Variants in CNOT6L observed in about 807,000 individuals in gnomAD.
CNOT6L encodes the protein CCR4-NOT transcription complex subunit 6 like, also known as CCR4-NOT transcription complex subunit 6-like.
A neutral mutation model predicts 64.0 loss-of-function variants in CNOT6L; 7 were observed. The ratio of observed to expected loss-of-function variants is 0.11; its 90% CI spans 0.06 to 0.21. CNOT6L has a LOEUF of 0.21. CNOT6L is among the 10% of genes least tolerant of loss of function. CNOT6L has a pLI of 1.00. For synonymous variants in CNOT6L, 193 were observed against 243.4 expected, an observed-to-expected ratio of 0.79 and a Z score of 1.93; for missense variants, 245 against 669.0, an observed-to-expected ratio of 0.37 and a Z score of 6.99.
intron 4 of CNOT6L, among the ~76,000 whole-genome samples, chr4:77,767,777 G>C (rs1281578520): frequency 6.6e-6 from 1 of 151,830 alleles, no homozygotes; most frequent in Non-Finnish European, 1.5e-5. Flanking sequence ...TCAGGAGTTC[G>C]AGACCAGCCT....
intron 4 of CNOT6L, among the ~76,000 whole-genome samples, chr4:77,768,012 A>G (rs1380089179): frequency 6.6e-6 from 1 of 151,944 alleles, no homozygotes; most frequent in Non-Finnish European, 1.5e-5. Flanking sequence ...TCAGTTACAA[A>G]TGAATTAAAG....
chr4:77,753,509 A>G (rs1160999965), intron 5 of CNOT6L, among the ~76,000 whole-genome samples: 1 of 152,020 alleles, frequency 6.6e-6, no homozygotes, highest in African/African-American at 2.4e-5. Flanking sequence ...TGTTTCTACT[A>G]AAAACATAAA....
At chr4:77,740,363 C>A in intron 8 of CNOT6L, among the ~76,000 whole-genome samples, 1 of 152,000 alleles carries the variant, frequency 6.6e-6, no homozygotes, top group Non-Finnish European at 1.5e-5. Flanking sequence ...GAGTAAGACT[C>A]TGAGACCCTG....
chr4:77,803,418 T>C (rs755731655), intron 1 of CNOT6L, among the ~76,000 whole-genome samples: 2 of 152,230 alleles, frequency 1.3e-5, no homozygotes, highest in African/African-American at 4.8e-5. Flanking sequence ...AAATATTAAA[T>C]GTGTAATTAC....
At chr4:77,798,466 G>A (rs1731129582) in intron 1 of CNOT6L, among the ~76,000 whole-genome samples, 1 of 152,096 alleles carries the variant, frequency 6.6e-6, no homozygotes, top group South Asian at 2.1e-4. Context: ...CATTTTAATA[G>A]ACACTTCACC....
At chr4:77,808,325 G>A (rs187990878) in intron 1 of CNOT6L, among the ~76,000 whole-genome samples, 9 of 152,046 alleles carry the variant, frequency 5.9e-5, no homozygotes, top group Middle Eastern at 3.4e-3. Context: ...AGCCGGGTGT[G>A]GTGGTGTGCG....
chr4:77,809,428 T>C (rs1450054633), intron 1 of CNOT6L, among the ~76,000 whole-genome samples: 2 of 152,220 alleles, frequency 1.3e-5, no homozygotes, highest in African/African-American at 4.8e-5. Context: ...TAAATATTAA[T>C]TAACAGGTTA....
At chr4:77,806,243 T>C (rs1440338548) in intron 1 of CNOT6L, among the ~76,000 whole-genome samples, 1 of 152,004 alleles carries the variant, frequency 6.6e-6, no homozygotes, top group Non-Finnish European at 1.5e-5. Flanking sequence ...CTGACCAACA[T>C]GGAGAAACCC....
At chr4:77,816,541 C>G (rs1733595325) in intron 1 of CNOT6L, among the ~76,000 whole-genome samples, 1 of 152,050 alleles carries the variant, frequency 6.6e-6, no homozygotes, top group Admixed American at 6.5e-5. Context: ...AAAATTCAAG[C>G]CCCTCAATGA....
In CNOT6L at chr4:77,788,621, A is replaced by G. The variant is rs150323309; in HGVS notation, c.6-12229T>C. 1.8e-3 allele frequency among the ~76,000 whole-genome samples: 268 copies of G among 152,220 alleles called. 2 individuals are homozygous for G. The highest frequency in any genetic ancestry group is 5.4e-3 in the African/African-American group (223 of 41,546). On this transcript the variant is annotated intron_variant, in intron 1 of 11. Coordinates refer to ENST00000504123, the MANE Select transcript of CNOT6L (RefSeq NM_144571.3). ...CATGTGCCTGTAGTCCCAGCTACTC[A>G]GGAGGCTGAGGCAAAAGAATTGCTT...
chr4:77,780,638 C>G (rs541640776), intron 1 of CNOT6L, among the ~76,000 whole-genome samples: 5 of 152,156 alleles, frequency 3.3e-5, no homozygotes, highest in African/African-American at 4.8e-5. Flanking sequence ...AGATAAGGAA[C>G]CCGATTTTCT....
intron 1 of CNOT6L, among the ~76,000 whole-genome samples, chr4:77,791,292 T>G (rs1730120781): frequency 6.6e-6 from 1 of 152,144 alleles, no homozygotes. Flanking sequence ...ATCATCATCA[T>G]CATCATCTTC....
intron 4 of CNOT6L, among the ~76,000 whole-genome samples, chr4:77,767,234 T>C (rs1247727755): frequency 3.9e-5 from 6 of 152,046 alleles, no homozygotes; most frequent in Admixed American, 3.9e-4. Context: ...CCCAAATTCA[T>C]GAATAGGATG....
Position 77,718,586 on chromosome 4 carries a change from A to G in CNOT6L, c.*1845T>C, listed in dbSNP as rs1437351661. On this transcript the variant is annotated 3_prime_UTR_variant, in exon 12 of 12. Transcript: ENST00000504123. ...ATTCCAATTATAATAGATGACAAAC[A>G]ACGCCTCTATCACTAGGCACTTTTA... 1.3e-5 allele frequency: 2 copies of G among 152,546 alleles called. No individual in the cohort carries two copies. Among genetic ancestry groups the G allele is most frequent in the Non-Finnish European group, 2.9e-5 (2 of 68,012 alleles). 9.4% of individuals were successfully genotyped at this position (152,546 alleles called of 1,614,324 possible).
chr4:77,721,722 G>C (rs1721298005), intron 11 of CNOT6L, among the ~76,000 whole-genome samples: 1 of 152,122 alleles, frequency 6.6e-6, no homozygotes, highest in African/African-American at 2.4e-5. Flanking sequence ...TGTAATCCCA[G>C]CCCTTTGGGA....
At chr4:77,779,732 C>T (rs1352172189) in intron 1 of CNOT6L, among the ~76,000 whole-genome samples, 1 of 152,116 alleles carries the variant, frequency 6.6e-6, no homozygotes, top group African/African-American at 2.4e-5. Context: ...GAGGCCGAGG[C>T]GGGCAGATCA....
rs575235842 is a variant in CNOT6L, at chr4:77,807,227, G to A, written c.5+12077C>T. 9.8e-5 allele frequency among the ~76,000 whole-genome samples: 14 copies of A among 143,316 alleles called. No homozygotes were observed. In the South Asian group the frequency reaches 1.1e-3, roughly 11 times the overall value. 94.0% of individuals were successfully genotyped at this position (143,316 alleles called of 152,430 possible). On this transcript the variant is annotated intron_variant, in intron 1 of 11. Coordinates refer to ENST00000504123, the MANE Select transcript of CNOT6L (RefSeq NM_144571.3). ...AGGGAGTCAGAGGTTGCAGTGAGCC[G>A]AGATCGCGCCACTGCATTCCAGCAT...
Position 77,764,044 on chromosome 4 carries a change from A to G in CNOT6L, c.401-7093T>C, listed in dbSNP as rs188934707. Among the ~76,000 whole-genome samples the G allele has an allele frequency of 1.3e-4, 20 of 152,348 alleles. No homozygotes were observed. In the East Asian group the frequency reaches 3.7e-3, roughly 28 times the overall value. On this transcript the variant is annotated intron_variant, in intron 4 of 11. Transcript: ENST00000504123. ...AAAGTATGTAAATCTATAATCCAGT[A>G]TAGGTACACATTTATCTCAACTTCC...
intron 8 of CNOT6L, among the ~76,000 whole-genome samples, chr4:77,733,149 T>C (rs1722624016): frequency 6.6e-6 from 1 of 152,090 alleles, no homozygotes; most frequent in African/African-American, 2.4e-5. Context: ...AAAAGCAGCA[T>C]TATGTTAGAA....
Sources: allele counts gnomAD v4.1 joint callset (sites outside exome capture counted in the v4.1 genomes callset), GRCh38; gene constraint gnomAD v4.1.1; transcripts MANE v1.5; gene names NCBI Gene and HGNC (gene_info 2026-07-23, HGNC 2026-07-21).